Variants in PTPRT observed in about 807,000 individuals in gnomAD.
The protein encoded by PTPRT is protein tyrosine phosphatase receptor type T, also known as receptor-type tyrosine-protein phosphatase T.
In PTPRT, 56 loss-of-function variants were observed where a neutral mutation model predicts 176.8. The observed-to-expected ratio is 0.32, with a 90% CI of 0.26 to 0.40. The LOEUF (loss-of-function observed/expected upper bound fraction) is 0.40. PTPRT is among the 10% of genes least tolerant of loss of function. PTPRT has a pLI of 1.00. For missense variants in PTPRT, 1,540 were observed against 1,908.2 expected (o/e 0.81, Z 3.60); for synonymous variants, 783 against 739.0 (o/e 1.06, Z -0.96).
chr20:42,671,077 G>C (rs2146038711), intron 7 of PTPRT, among the ~76,000 whole-genome samples: 1 of 152,226 alleles, frequency 6.6e-6, no homozygotes, highest in Middle Eastern at 3.4e-3. Flanking sequence ...GAGAGGTACA[G>C]GGCCAAGTTG....
intron 1 of PTPRT, among the ~76,000 whole-genome samples, chr20:43,155,650 C>A (rs2014496454): frequency 6.6e-6 from 1 of 152,066 alleles, no homozygotes; most frequent in African/African-American, 2.4e-5. Context: ...AAATTGTATT[C>A]TTGAAAAATG....
chr20:42,839,193 T>C (rs553234042), intron 2 of PTPRT, among the ~76,000 whole-genome samples: 50 of 152,160 alleles, frequency 3.3e-4, no homozygotes, highest in Middle Eastern at 3.4e-3. Flanking sequence ...TGGTTGCCCA[T>C]CAGCCTTTCC....
intron 13 of PTPRT, among the ~76,000 whole-genome samples, chr20:42,273,909 C>T (rs2056982229): frequency 6.6e-6 from 1 of 152,232 alleles, no homozygotes; most frequent in South Asian, 2.1e-4. Flanking sequence ...TCCTCTAGGT[C>T]TGCAACCCAT....
At chr20:42,780,170 C>A (rs961253445) in intron 4 of PTPRT, 48 bp downstream of exon 4, 30 of 1,439,368 alleles carry the variant, frequency 2.1e-5, no homozygotes, top group Non-Finnish European at 2.8e-5. Context: ...CTATGCTACC[C>A]AGTCTGGCAT....
At chr20:42,868,473 G>A (rs1600495634) in intron 2 of PTPRT, among the ~76,000 whole-genome samples, 1 of 152,202 alleles carries the variant, frequency 6.6e-6, no homozygotes, top group South Asian at 2.1e-4. Flanking sequence ...TAAGCAAAGT[G>A]TTGAGGGTGC....
intron 16 of PTPRT, among the ~76,000 whole-genome samples, chr20:42,174,390 T>C (rs775018557): frequency 2.6e-5 from 4 of 152,064 alleles, no homozygotes; most frequent in South Asian, 2.1e-4. Flanking sequence ...GATAAAGGGA[T>C]TGATTGAGGC....
intron 19 of PTPRT, among the ~76,000 whole-genome samples, chr20:42,121,374 G>GT (rs1987581336): frequency 6.6e-6 from 1 of 152,172 alleles, no homozygotes; most frequent in South Asian, 2.1e-4. Context: ...GAGGTTGTCA[G>GT]TTTCTTAAGG....
chr20:42,719,691 C>G (rs2076277543), intron 6 of PTPRT, among the ~76,000 whole-genome samples: 1 of 152,084 alleles, frequency 6.6e-6, no homozygotes, highest in African/African-American at 2.4e-5. Flanking sequence ...GTCATGGTGA[C>G]CTATAGAAAC....
At chr20:42,289,685 G>T (rs1040513758) in intron 12 of PTPRT, among the ~76,000 whole-genome samples, 1 of 152,034 alleles carries the variant, frequency 6.6e-6, no homozygotes, top group African/African-American at 2.4e-5. Context: ...TTGTAAATTA[G>T]TGCAGTGGTT....
intron 1 of PTPRT, among the ~76,000 whole-genome samples, chr20:42,976,078 G>A (rs991084357): frequency 1.3e-5 from 2 of 152,154 alleles, no homozygotes; most frequent in Non-Finnish European, 2.9e-5. Context: ...ACAGAGAGGA[G>A]GAACCTTGCT....
chr20:42,079,920 C>T lies in PTPRT; in HGVS notation c.*959G>A, dbSNP rs181191991. ...GTCTTAGAGGTACATACTCAAACTC[C>T]CCCGCCCCCTTCTTTTTGACATAAG... On this transcript the variant is annotated 3_prime_UTR_variant, in exon 31 of 31. Transcript: ENST00000373187. The T allele has an allele frequency of 1.9e-4, 44 of 232,580 alleles. No individual in the cohort carries two copies. The East Asian group carries it at 2.7e-3, about 14-fold the overall frequency. 14.4% of individuals were successfully genotyped at this position (232,580 alleles called of 1,614,324 possible). A position where few individuals can be genotyped will look rare whatever the true frequency, so the allele number is the denominator to read the frequency against.
intron 1 of PTPRT, among the ~76,000 whole-genome samples, chr20:43,073,554 T>TTA (rs565283249): frequency 2.0e-5 from 3 of 151,836 alleles, no homozygotes; most frequent in East Asian, 2.0e-4. Context: ...CATGTGTTTT[T>TTA]TATATATATA....
intron 7 of PTPRT, among the ~76,000 whole-genome samples, chr20:42,508,152 T>TGTGTGTGTGTGTGTGTG (rs1555872023): frequency 6.6e-6 from 1 of 151,350 alleles, no homozygotes; most frequent in African/African-American, 2.4e-5. Context: ...TGTGTGTGTA[T>TGTGTGTGTGTGTGTGTG]TATATTAACA....
intron 1 of PTPRT, among the ~76,000 whole-genome samples, chr20:42,997,938 G>T (rs958987967): frequency 2.6e-5 from 4 of 152,146 alleles, no homozygotes; most frequent in African/African-American, 7.2e-5. Flanking sequence ...GAAGGCTGGA[G>T]TATCAAGATG....
At chr20:42,586,497 C>T (rs2073473178) in intron 7 of PTPRT, among the ~76,000 whole-genome samples, 1 of 152,144 alleles carries the variant, frequency 6.6e-6, no homozygotes, top group Admixed American at 6.5e-5. Flanking sequence ...CATCTAGCTC[C>T]CAAAGTGGGG....
At chr20:42,346,637 T>C (rs4812590) in intron 11 of PTPRT, among the ~76,000 whole-genome samples, 104,651 of 152,012 alleles carry the variant, frequency 0.69, 36,240 homozygotes, top group East Asian at 0.91. Flanking sequence ...GTCCTCCCTG[T>C]CACATCTCGC....
intron 6 of PTPRT, among the ~76,000 whole-genome samples, chr20:42,700,680 A>G (rs2075961841): frequency 6.6e-6 from 1 of 152,172 alleles, no homozygotes; most frequent in African/African-American, 2.4e-5. Context: ...TGGGAGTCAG[A>G]AACCAGGGCC....
chr20:42,894,443 T>C (rs985200328), intron 1 of PTPRT, among the ~76,000 whole-genome samples: 2 of 152,132 alleles, frequency 1.3e-5, no homozygotes, highest in Non-Finnish European at 2.9e-5. Flanking sequence ...TAGTAACTCA[T>C]TTAATTATCC....
chr20:42,375,461 C>A (rs1325806221), intron 9 of PTPRT, among the ~76,000 whole-genome samples: 8 of 152,142 alleles, frequency 5.3e-5, no homozygotes, highest in Admixed American at 5.2e-4. Context: ...CTAGCTTAGG[C>A]CCTTTTTTGC....
Sources: allele counts gnomAD v4.1 joint callset (sites outside exome capture counted in the v4.1 genomes callset), GRCh38; gene constraint gnomAD v4.1.1; transcripts MANE v1.5; gene names NCBI Gene and HGNC (gene_info 2026-07-23, HGNC 2026-07-21).